The following MAST4 variants were observed in gnomAD, a reference collection of about 807,000 sequenced individuals.
MAST4 encodes the protein microtubule-associated serine/threonine-protein kinase 4.
Under a neutral mutation model 162.7 loss-of-function variants are expected in MAST4, and 89 were observed. That is an observed-to-expected ratio of 0.55 (90% CI 0.46 to 0.65). The LOEUF (loss-of-function observed/expected upper bound fraction) is 0.65. Ranked by LOEUF, MAST4 falls within the 30% of genes least tolerant of loss-of-function variation. The pLI, the probability that MAST4 is intolerant of heterozygous loss-of-function variation, is 0.00. For synonymous variants in MAST4, 1,479 were observed against 1,361.1 expected, an observed-to-expected ratio of 1.09 and a Z score of -1.91; for missense variants, 3,153 against 3,374.0, an observed-to-expected ratio of 0.93 and a Z score of 1.62.
Position 67,044,325 on chromosome 5 carries a change from C to G in MAST4, c.675-10079C>G, listed in dbSNP as rs559058191. 1.8e-4 allele frequency among the ~76,000 whole-genome samples: 27 copies of G among 152,274 alleles called. No homozygotes were observed. In the South Asian group the frequency reaches 5.6e-3, roughly 32 times the overall value. ...CTTCCTGTAAATACATGACCTGCGC[C>G]AATGACCTAGAATCCCTGGGGTAGG... On this transcript the variant is annotated intron_variant, in intron 4 of 28. Transcript: ENST00000403625.
At chr5:66,858,962 T>G (rs1435295497) in intron 3 of MAST4, among the ~76,000 whole-genome samples, 1 of 152,130 alleles carries the variant, frequency 6.6e-6, no homozygotes, top group East Asian at 1.9e-4. Context: ...TAGTTGGTTA[T>G]TACTAGTATA....
At chr5:66,768,338 G>C (rs1252666939) in intron 2 of MAST4, among the ~76,000 whole-genome samples, 2 of 152,056 alleles carry the variant, frequency 1.3e-5, no homozygotes, top group African/African-American at 2.4e-5. Context: ...AATGTGAAAG[G>C]GTTGACCTTT....
intron 1 of MAST4, among the ~76,000 whole-genome samples, chr5:66,686,885 T>C (rs1748694375): frequency 6.6e-6 from 1 of 152,182 alleles, no homozygotes; most frequent in South Asian, 2.1e-4. Context: ...AATTTAAAAA[T>C]TAAGAGTATC....
In MAST4 at chr5:66,894,974, T is replaced by C. The variant is rs529736493; in HGVS notation, c.643-4977T>C. On this transcript the variant is annotated intron_variant, in intron 3 of 28. Coordinates refer to ENST00000403625, the MANE Select transcript of MAST4 (RefSeq NM_001164664.2). ...TGAGGAGAGATGAAGTGAAGGTATG[T>C]GGGGGCAGTTAGAGATTCTTCCTGG... 2.6e-4 allele frequency among the ~76,000 whole-genome samples: 40 copies of C among 152,234 alleles called. 1 individual carries two copies. In the South Asian group the frequency reaches 8.3e-3, roughly 32 times the overall value.
At chr5:66,772,462 C>T (rs1754403842) in intron 2 of MAST4, among the ~76,000 whole-genome samples, 1 of 152,148 alleles carries the variant, frequency 6.6e-6, no homozygotes, top group African/African-American at 2.4e-5. Flanking sequence ...TACAGTCAAA[C>T]TGCAGTGCTA....
chr5:67,066,744 T>C (rs1271607872), intron 5 of MAST4, among the ~76,000 whole-genome samples: 1 of 152,210 alleles, frequency 6.6e-6, no homozygotes, highest in Non-Finnish European at 1.5e-5. Context: ...AGAAAAATGT[T>C]CTTTCAAGTG....
intron 1 of MAST4, among the ~76,000 whole-genome samples, chr5:66,646,362 CAT>C (rs778258809): frequency 1.7e-4 from 26 of 152,228 alleles, no homozygotes; most frequent in Middle Eastern, 3.4e-3. Context: ...AACATAGCAA[CAT>C]ATATCTTAAA....
intron 1 of MAST4, among the ~76,000 whole-genome samples, chr5:66,601,057 T>C (rs1313671397): frequency 6.6e-6 from 1 of 152,242 alleles, no homozygotes; most frequent in Non-Finnish European, 1.5e-5. Context: ...CGACTGCTTT[T>C]AATATTTTGG....
intron 3 of MAST4, among the ~76,000 whole-genome samples, chr5:66,828,503 G>A (rs1757382732): frequency 6.6e-6 from 1 of 152,142 alleles, no homozygotes; most frequent in South Asian, 2.1e-4. Flanking sequence ...ACTGCCGAAA[G>A]CCATTTAGTG....
chr5:67,054,475 C>A lies in MAST4; in HGVS notation c.746C>A (p.Pro249His). The change falls in exon 5 of 29, where the codon CCT becomes CAT. Residue 249 changes from proline to histidine, a missense_variant. By Grantham distance (77) the Pro-to-His change is moderately conservative (BLOSUM62 -2). Transcript: ENST00000403625. ...CCAGCATTGCCTCGACCACACTCACCTCTCTCTGCTCATGCAGGTAATTGG... is the reference window on the plus strand; with the variant it reads ...CCAGCATTGCCTCGACCACACTCACATCTCTCTGCTCATGCAGGTAATTGG... ...QSPALPRPHS[P>H]LSAHAGNSPQ... 1 of 1,609,914 alleles carries A rather than the reference C, an allele frequency of 6.2e-7. No homozygotes were observed. The highest frequency in any genetic ancestry group is 2.2e-5 in the East Asian group (1 of 44,696).
chr5:66,749,302 T>C (rs1310323656), intron 1 of MAST4, among the ~76,000 whole-genome samples: 1 of 152,100 alleles, frequency 6.6e-6, no homozygotes, highest in African/African-American at 2.4e-5. Context: ...TTCCTGGCAA[T>C]TCCCACTGGG....
chr5:67,145,245 A>C lies in MAST4; in HGVS notation c.2960A>C (p.Gln987Pro). 6.2e-7 allele frequency: 1 copy of C among 1,613,904 alleles called. No homozygotes were observed. The highest frequency in any genetic ancestry group is 1.1e-5 in the South Asian group (1 of 91,056). The change falls in exon 23 of 29, where the codon CAA becomes CCA. Residue 987 changes from glutamine to proline, a missense_variant. By Grantham distance (76) the Gln-to-Pro change is moderately conservative (BLOSUM62 -1). Coordinates refer to ENST00000403625, the MANE Select transcript of MAST4 (RefSeq NM_001164664.2). ...PKLAISTEGE[Q>P]DEAASCPGDP... ...CTGGCTATTTCAACAGAGGGAGAGC[A>C]AGATGAAGCTGCCTCCTGCCCTGGA...
In MAST4 at chr5:66,767,170, CGTGTGTGTGTGT is replaced by C. The variant is rs60766673; in HGVS notation, c.517+7344_517+7355del. Among the ~76,000 whole-genome samples, 378 of 139,552 alleles carry C rather than the reference CGTGTGTGTGTGT, an allele frequency of 2.7e-3. 1 individual carries two copies. Among genetic ancestry groups the C allele is most frequent in the East Asian group, 0.013 (58 of 4,534 alleles). 91.6% of individuals were successfully genotyped at this position (139,552 alleles called of 152,430 possible). Reference sequence around the variant, plus strand: ...TGGTCACAGATGAATGTAAAGTGCACGTGTGTGTGTGTGTGTGTGTGTGTGTGTGTGTGTGTG... The same window carrying C: ...TGGTCACAGATGAATGTAAAGTGCACGTGTGTGTGTGTGTGTGTGTGTGTG... On this transcript the variant is annotated intron_variant, in intron 2 of 28. Coordinates refer to ENST00000403625, the MANE Select transcript of MAST4 (RefSeq NM_001164664.2).
chr5:67,154,879 T>C (rs1477476807), intron 26 of MAST4, among the ~76,000 whole-genome samples: 1 of 152,244 alleles, frequency 6.6e-6, no homozygotes, highest in Non-Finnish European at 1.5e-5. Context: ...AACCAGTGAC[T>C]CTTGAAATCA....
At chr5:66,990,605 C>T (rs1749974778) in intron 4 of MAST4, among the ~76,000 whole-genome samples, 1 of 152,180 alleles carries the variant, frequency 6.6e-6, no homozygotes, top group Non-Finnish European at 1.5e-5. Context: ...TGCCACTGCA[C>T]TCCAGCCTGG....
chr5:67,087,473 T>C (rs115828393), intron 5 of MAST4, among the ~76,000 whole-genome samples: 2,147 of 152,268 alleles, frequency 0.014, 31 homozygotes, highest in African/African-American at 0.037. Context: ...CACAGCTCAT[T>C]GGCTTTCCCA....
chr5:66,798,968 C>CTT (rs879471600), intron 3 of MAST4, among the ~76,000 whole-genome samples: 1 of 152,234 alleles, frequency 6.6e-6, no homozygotes, highest in Non-Finnish European at 1.5e-5. Context: ...TTTGTACCCC[C>CTT]TTTTTATAAA....
chr5:67,125,657 G>A (rs1334207990), intron 14 of MAST4, among the ~76,000 whole-genome samples: 1 of 152,124 alleles, frequency 6.6e-6, no homozygotes, highest in Non-Finnish European at 1.5e-5. Flanking sequence ...TATCATTGAT[G>A]GGCATTTGGG....
At chr5:66,788,596 A>G in intron 2 of MAST4, 74 bp from the exon 3 acceptor site, 1 of 238,050 alleles carries the variant, frequency 4.2e-6, no homozygotes, top group Non-Finnish European at 8.9e-6. Context: ...GAGACACCCC[A>G]CCCCCACCCC....
Sources: allele counts gnomAD v4.1 joint callset (sites outside exome capture counted in the v4.1 genomes callset), GRCh38; gene constraint gnomAD v4.1.1; transcripts MANE v1.5; gene names NCBI Gene and HGNC (gene_info 2026-07-23, HGNC 2026-07-21).